Variants in SMAD6 observed in about 807,000 individuals in gnomAD.
SMAD6 encodes the protein MAD homolog 6.
SMAD6 carries 103 observed loss-of-function variants against 39.4 expected under a neutral mutation model. The observed-to-expected ratio is 2.62, with a 90% CI of 2.23 to 3.08. The LOEUF (loss-of-function observed/expected upper bound fraction) is 3.08. Ranked by LOEUF, SMAD6 falls within the 30% of genes most tolerant of loss-of-function variation. The probability of loss-of-function intolerance (pLI) is 0.00; values close to 1 mark genes in which losing one functional copy is unlikely to be tolerated. For missense variants in SMAD6, 1,104 were observed against 742.9 expected, an observed-to-expected ratio of 1.49 and a Z score of -5.65; for synonymous variants, 445 against 353.3, an observed-to-expected ratio of 1.26 and a Z score of -2.91.
chr15:66,769,367 G>C (rs2140667757), intron 3 of SMAD6, among the ~76,000 whole-genome samples: 1 of 152,268 alleles, frequency 6.6e-6, no homozygotes, highest in East Asian at 1.9e-4. Flanking sequence ...GCTGGTCCTG[G>C]TTCTCAGAGA....
intron 3 of SMAD6, among the ~76,000 whole-genome samples, chr15:66,770,616 A>G (rs1894364215): frequency 6.6e-6 from 1 of 152,188 alleles, no homozygotes; most frequent in South Asian, 2.1e-4. Context: ...CGACTTTATG[A>G]TAAAACAAAA....
At chr15:66,775,077 G>T (rs1894443597) in intron 3 of SMAD6, among the ~76,000 whole-genome samples, 1 of 152,010 alleles carries the variant, frequency 6.6e-6, no homozygotes, top group Non-Finnish European at 1.5e-5. Flanking sequence ...GGCCAGGCTG[G>T]TCTCGAACTC....
chr15:66,705,702 C>G (rs1348458904), intron 1 of SMAD6: 1 of 152,250 alleles, frequency 6.6e-6, no homozygotes, highest in Non-Finnish European at 1.5e-5. Flanking sequence ...GGTGCTGTGG[C>G]TAACAGAGTG....
chr15:66,757,917 C>T (rs990447416), intron 3 of SMAD6, among the ~76,000 whole-genome samples: 1 of 152,240 alleles, frequency 6.6e-6, no homozygotes, highest in African/African-American at 2.4e-5. Context: ...AGCTCTCAGG[C>T]ACGTGTGCCT....
chr15:66,741,018 C>T (rs1164773910), intron 3 of SMAD6: 1 of 152,246 alleles, frequency 6.6e-6, no homozygotes, highest in African/African-American at 2.4e-5. Flanking sequence ...AGTCTCCCTC[C>T]AGCTGCCAGA....
intron 3 of SMAD6, among the ~76,000 whole-genome samples, chr15:66,732,611 C>T (rs969480791): frequency 6.6e-6 from 1 of 152,186 alleles, no homozygotes; most frequent in Non-Finnish European, 1.5e-5. Flanking sequence ...ATCCTCCTGT[C>T]TTGGCCTCCC....
intron 3 of SMAD6, among the ~76,000 whole-genome samples, chr15:66,758,893 G>A (rs1595791961): frequency 6.6e-6 from 1 of 152,252 alleles, no homozygotes; most frequent in East Asian, 1.9e-4. Context: ...GAAAGCAAGA[G>A]GAGCAATATT....
chr15:66,724,082 A>G (rs758037179), intron 3 of SMAD6, among the ~76,000 whole-genome samples: 1 of 152,188 alleles, frequency 6.6e-6, no homozygotes, highest in African/African-American at 2.4e-5. Context: ...ATGTTCTAAG[A>G]GTTTGTGGCT....
At chr15:66,715,049 T>A (rs1299478850) in intron 2 of SMAD6, among the ~76,000 whole-genome samples, 3 of 136,900 alleles carry the variant, frequency 2.2e-5, no homozygotes, top group African/African-American at 8.5e-5. Context: ...TTTTTTTTTT[T>A]AAAGATTTTT....
intron 3 of SMAD6, among the ~76,000 whole-genome samples, chr15:66,756,917 C>A (rs186911205): frequency 6.6e-6 from 1 of 152,210 alleles, no homozygotes. Context: ...CTACAGGGAG[C>A]TTTGGGCCCG....
Position 66,781,290 on chromosome 15 carries a change from A to T in SMAD6, c.1246A>T (p.Thr416Ser). The change falls in exon 4 of 4, where the codon ACG becomes TCG. Residue 416 changes from threonine (T) to serine (S), a missense_variant. Physicochemically the swap from Thr to Ser is moderately conservative, Grantham distance 58. Coordinates refer to ENST00000288840, the MANE Select transcript of SMAD6 (RefSeq NM_005585.5). ...GCACCCCATCTTCGTCAACTCCCCGACGCTGGACGCGCCCGGCGGCCGCGC... is the reference window on the plus strand; with the variant it reads ...GCACCCCATCTTCGTCAACTCCCCGTCGCTGGACGCGCCCGGCGGCCGCGC... ...GEHPIFVNSPTLDAPGGRALV... is the reference protein window; with the variant it reads ...GEHPIFVNSPSLDAPGGRALV... The T allele has an allele frequency of 6.2e-7, 1 of 1,604,600 alleles. No homozygotes were observed. Among genetic ancestry groups the T allele is most frequent in the East Asian group, 2.2e-5 (1 of 44,728 alleles).
intron 3 of SMAD6, among the ~76,000 whole-genome samples, chr15:66,746,276 C>G (rs1308761012): frequency 6.6e-6 from 1 of 152,240 alleles, no homozygotes; most frequent in Non-Finnish European, 1.5e-5. Flanking sequence ...TTTTCTGGCC[C>G]CAGCAAAGCT....
At chr15:66,717,992 T>C (rs1438259786) in intron 3 of SMAD6, among the ~76,000 whole-genome samples, 2 of 152,220 alleles carry the variant, frequency 1.3e-5, no homozygotes, top group African/African-American at 4.8e-5. Flanking sequence ...AAAGTATTTC[T>C]GAATTTGCGA....
At chr15:66,757,699 GCAGTAGTT>G (rs1894127346) in intron 3 of SMAD6, among the ~76,000 whole-genome samples, 1 of 152,232 alleles carries the variant, frequency 6.6e-6, no homozygotes, top group South Asian at 2.1e-4. Context: ...AGGCATGAGG[GCAGTAGTT>G]CAGTGCCTGG....
chr15:66,725,556 G>A (rs1893507596), intron 3 of SMAD6, among the ~76,000 whole-genome samples: 1 of 152,200 alleles, frequency 6.6e-6, no homozygotes, highest in South Asian at 2.1e-4. Flanking sequence ...AAGTCATTTT[G>A]ATCTCTTTGA....
intron 3 of SMAD6, among the ~76,000 whole-genome samples, chr15:66,737,148 C>T (rs987585135): frequency 3.9e-5 from 6 of 152,222 alleles, no homozygotes; most frequent in Non-Finnish European, 7.3e-5. Flanking sequence ...GCATCCTCCC[C>T]GGGTCCCTGC....
intron 3 of SMAD6, among the ~76,000 whole-genome samples, chr15:66,723,596 G>C (rs1394582698): frequency 1.3e-5 from 2 of 152,182 alleles, no homozygotes; most frequent in African/African-American, 4.8e-5. Context: ...CTTGAGCTCA[G>C]GAGTTGGAGG....
At chr15:66,745,087 G>A (rs113356014) in intron 3 of SMAD6, among the ~76,000 whole-genome samples, 4,306 of 152,144 alleles carry the variant, frequency 0.028, 187 homozygotes, top group African/African-American at 0.097. Flanking sequence ...CCAGGACCCT[G>A]CCCTCCCCAA....
chr15:66,716,365 A>G (rs1355449370), intron 2 of SMAD6, 56 bp from the exon 3 acceptor site: 4 of 1,291,540 alleles, frequency 3.1e-6, no homozygotes, highest in African/African-American at 1.5e-5. Context: ...AGAAAGAAGA[A>G]AAAAGAGAGC....
Sources: gnomAD v4.1 joint callset for allele counts (sites outside exome capture counted in the v4.1 genomes callset) on GRCh38, gnomAD v4.1.1 for gene constraint, MANE v1.5 for transcripts, NCBI Gene and HGNC (gene_info 2026-07-23, HGNC 2026-07-21) for gene names.